APMAP: variants seen among roughly 807,000 people sequenced by gnomAD.
The protein encoded by APMAP is adipocyte plasma membrane associated protein.
A neutral mutation model predicts 43.6 loss-of-function variants in APMAP; 33 were observed. That is an observed-to-expected ratio of 0.76 (90% confidence interval 0.57 to 1.01). The LOEUF (loss-of-function observed/expected upper bound fraction) is 1.01, where lower values mean the gene tolerates loss of function less well. Among genes scored for constraint, APMAP ranks in the 50% least tolerant of loss-of-function variants. The probability of loss-of-function intolerance (pLI) is 0.00; values close to 1 mark genes in which losing one functional copy is unlikely to be tolerated. For synonymous variants in APMAP, 224 were observed against 216.7 expected, an observed-to-expected ratio of 1.03 and a Z score of -0.30; for missense variants, 498 against 540.7, an observed-to-expected ratio of 0.92 and a Z score of 0.78.
chr20:24,992,652 G>A lies in APMAP; in HGVS notation c.37C>T (p.Leu13=), dbSNP rs927299360. 7.7e-6 allele frequency: 12 copies of A among 1,562,348 alleles called. No homozygotes were observed. The highest frequency in any genetic ancestry group is 7.3e-5 in the East Asian group (3 of 41,216). The change falls in exon 1 of 9, where the codon CTG becomes TTG. Residue 13 remains leucine, a synonymous_variant. Coordinates refer to ENST00000217456, the MANE Select transcript of APMAP (RefSeq NM_020531.3). ...EADGLRQRRP[L]RPQVVTDDDG... ...TCGTCTGTGACGACCTGCGGCCGCA[G>A]GGGCCGGCGCTGTCGCAGCCCGTCC...
At chr20:24,988,242 T>C (rs1306441461) in intron 1 of APMAP, among the ~76,000 whole-genome samples, 1 of 152,230 alleles carries the variant, frequency 6.6e-6, no homozygotes, top group Non-Finnish European at 1.5e-5. Context: ...AACATCATTC[T>C]ACCTAAGGCA....
chr20:24,970,052 C>T (rs2087985275), intron 6 of APMAP, 145 bp downstream of exon 6: 3 of 1,012,528 alleles, frequency 3.0e-6, no homozygotes. Flanking sequence ...CATCACCTGC[C>T]TCCAGAAGCC....
intron 1 of APMAP, among the ~76,000 whole-genome samples, chr20:24,987,132 T>C (rs1168401151): frequency 6.6e-6 from 1 of 152,126 alleles, no homozygotes; most frequent in East Asian, 1.9e-4. Flanking sequence ...TTTTTGTTTT[T>C]TAAATATAAA....
Position 24,992,656 on chromosome 20 carries a change from C to G in APMAP, c.33G>C (p.Arg11=). The G allele has an allele frequency of 6.4e-7, 1 of 1,557,014 alleles. No homozygotes were observed. Among genetic ancestry groups the G allele is most frequent in the South Asian group, 1.2e-5 (1 of 84,754 alleles). MSEADGLRQR[R]PLRPQVVTDD... is the part of the protein sequence containing the mutation. ...CTGTGACGACCTGCGGCCGCAGGGGCCGGCGCTGTCGCAGCCCGTCCGCCT... is the reference window on the plus strand; with the variant it reads ...CTGTGACGACCTGCGGCCGCAGGGGGCGGCGCTGTCGCAGCCCGTCCGCCT... The change falls in exon 1 of 9, where the codon CGG becomes CGC. Residue 11 remains arginine (R), a synonymous_variant. Transcript: ENST00000217456.
chr20:24,965,499 C>T (rs1159700102), intron 8 of APMAP, among the ~76,000 whole-genome samples: 2 of 152,256 alleles, frequency 1.3e-5, no homozygotes, highest in Non-Finnish European at 2.9e-5. Context: ...GACAAGCCCA[C>T]TCCGCTTGGG....
intron 1 of APMAP, among the ~76,000 whole-genome samples, chr20:24,990,931 G>A (rs1368807094): frequency 6.6e-6 from 1 of 152,204 alleles, no homozygotes; most frequent in Non-Finnish European, 1.5e-5. Flanking sequence ...TTCATGGACA[G>A]GGAAGTCAAG....
chr20:24,966,180 G>T (rs925157378), intron 8 of APMAP, among the ~76,000 whole-genome samples: 2 of 152,210 alleles, frequency 1.3e-5, no homozygotes, highest in African/African-American at 4.8e-5. Flanking sequence ...AACGACTTAT[G>T]TGCTGGAAAG....
intron 8 of APMAP, among the ~76,000 whole-genome samples, chr20:24,967,064 CG>C (rs1429446966): frequency 6.6e-6 from 1 of 152,142 alleles, no homozygotes; most frequent in Admixed American, 6.5e-5. Context: ...GAGGCTGAGA[CG>C]GGTGGATTAC....
chr20:24,988,403 GCTCAATTATGT>G (rs1459969371), intron 1 of APMAP, among the ~76,000 whole-genome samples: 5 of 152,170 alleles, frequency 3.3e-5, no homozygotes, highest in Non-Finnish European at 5.9e-5. Context: ...ATAGTTAGAG[GCTCAATTATGT>G]CCCAAACAAA....
intron 8 of APMAP, among the ~76,000 whole-genome samples, chr20:24,966,891 T>G (rs1198586235): frequency 2.0e-5 from 3 of 152,160 alleles, no homozygotes; most frequent in African/African-American, 7.2e-5. Context: ...GCATCTGCAG[T>G]GAGTGACAGG....
At chr20:24,988,510 G>C (rs2088166673) in intron 1 of APMAP, among the ~76,000 whole-genome samples, 2 of 152,218 alleles carry the variant, frequency 1.3e-5, no homozygotes, top group Non-Finnish European at 2.9e-5. Flanking sequence ...TCCCAATGCT[G>C]CGGGATCTAC....
intron 5 of APMAP, among the ~76,000 whole-genome samples, chr20:24,970,747 T>C (rs904353976): frequency 5.3e-5 from 8 of 152,154 alleles, no homozygotes; most frequent in African/African-American, 1.9e-4. Context: ...TGAAAAATAA[T>C]AGAAAGAACA....
At position 24,983,975 on chromosome 20, in the gene APMAP, G is replaced by C. The variant is rs759341737; in HGVS notation, c.140C>G (p.Ala47Gly). The change falls in exon 2 of 9, where the codon GCT becomes GGT. Residue 47 changes from alanine to glycine, a missense_variant. Ala to Gly is a moderately conservative substitution (Grantham distance 60). Coordinates refer to ENST00000217456, the MANE Select transcript of APMAP (RefSeq NM_020531.3). ...AAGCAGGGGAACGGTGAGAGAAACA[G>C]CCAGCATCAAGAAGGTCACTCGGAA... The part of the protein sequence containing the change: ...RVFRVTFLML[A>G]VSLTVPLLGA... 19 of 1,613,874 alleles carry C rather than the reference G, an allele frequency of 1.2e-5. No individual in the cohort carries two copies. Among genetic ancestry groups the C allele is most frequent in the Non-Finnish European group, 1.6e-5 (19 of 1,179,944 alleles).
chr20:24,969,415 G>A (rs2087978084), intron 7 of APMAP, 111 bp downstream of exon 7: 2 of 1,450,058 alleles, frequency 1.4e-6, no homozygotes, highest in Non-Finnish European at 9.3e-7. Flanking sequence ...ATGCCATGCA[G>A]AAGGTGCGCT....
chr20:24,966,775 C>CA lies in APMAP; in HGVS notation c.1041+2116dup, dbSNP rs2087947323. On this transcript the variant is annotated intron_variant, in intron 8 of 8. Coordinates refer to ENST00000217456, the MANE Select transcript of APMAP (RefSeq NM_020531.3). The stretch of plus-strand genomic sequence containing the variant: ...TAAAGGACAACACCGGGACAACTGG[C>CA]AAAATCTGAATGGGGCCTGCAGACC... Among the ~76,000 whole-genome samples the CA allele has an allele frequency of 3.3e-5, 5 of 152,296 alleles. No homozygotes were observed. In the South Asian group the frequency reaches 8.3e-4, roughly 25 times the overall value.
chr20:24,966,510 G>A lies in APMAP; in HGVS notation c.1041+2382C>T, dbSNP rs931054712. Among the ~76,000 whole-genome samples, 12 of 152,178 alleles carry A rather than the reference G, an allele frequency of 7.9e-5. 1 individual carries two copies. In the South Asian group the frequency reaches 1.2e-3, roughly 16 times the overall value. On this transcript the variant is annotated intron_variant, in intron 8 of 8. Coordinates refer to ENST00000217456, the MANE Select transcript of APMAP (RefSeq NM_020531.3). ...GGTATCGCGCCCTCATGACAGCCGC[G>A]CCAAGATGAGCACAGCTTCACTGCT...
intron 2 of APMAP, among the ~76,000 whole-genome samples, chr20:24,982,690 T>A (rs1342022364): frequency 1.3e-5 from 2 of 152,154 alleles, no homozygotes; most frequent in Non-Finnish European, 2.9e-5. Flanking sequence ...TCCCCAGCTG[T>A]GGACACAGTT....
In APMAP at chr20:24,963,491, G is replaced by A. The variant is rs1214038720; in HGVS notation, c.*322C>T. On this transcript the variant is annotated 3_prime_UTR_variant, in exon 9 of 9. Coordinates refer to ENST00000217456, the MANE Select transcript of APMAP (RefSeq NM_020531.3). ...TTACTGCTCCACCCACCTGAGCCCTGTTCCAAGTGCAAGGAGCTTCCCAAA... is the reference window on the plus strand; with the variant it reads ...TTACTGCTCCACCCACCTGAGCCCTATTCCAAGTGCAAGGAGCTTCCCAAA... The A allele has an allele frequency of 2.9e-6, 1 of 348,014 alleles. No homozygotes were observed. Among genetic ancestry groups the A allele is most frequent in the African/African-American group, 2.1e-5 (1 of 47,558 alleles). The allele number at this position is 348,014 out of a possible 1,614,324, so 21.6% of individuals were successfully genotyped here.
At chr20:24,984,477 G>C (rs1416589523) in intron 1 of APMAP, among the ~76,000 whole-genome samples, 1 of 152,202 alleles carries the variant, frequency 6.6e-6, no homozygotes, top group Non-Finnish European at 1.5e-5. Context: ...GATTCTCACA[G>C]ATAGAAGAGA....
Sources: gnomAD v4.1 joint callset for allele counts (sites outside exome capture counted in the v4.1 genomes callset) on GRCh38, gnomAD v4.1.1 for gene constraint, MANE v1.5 for transcripts, NCBI Gene and HGNC (gene_info 2026-07-23, HGNC 2026-07-21) for gene names.